Variants in ZNF600 observed in about 807,000 individuals in gnomAD.
ZNF600 encodes zinc finger protein 600, also known as zinc finger protein KR-ZNF1.
In ZNF600, 4 loss-of-function variants were observed where a neutral mutation model predicts 7.3. The ratio of observed to expected loss-of-function variants is 0.55; its 90% CI spans 0.27 to 1.25. ZNF600 has a LOEUF of 1.25. ZNF600 is among the 50% of genes most tolerant of loss of function. ZNF600 has a pLI of 0.12. For synonymous variants in ZNF600, 290 were observed against 308.9 expected (o/e 0.94, Z 0.64); for missense variants, 911 against 922.1 (o/e 0.99, Z 0.16).
chr19:52,818,256 C>A, the ZNF600 span, among the ~76,000 whole-genome samples: 2 of 152,146 alleles, frequency 1.3e-5, no homozygotes, highest in African/African-American at 4.8e-5. Context: ...AGCTCCCCTT[C>A]AGGAAATCTC....
chr19:52,818,672 A>G, the ZNF600 span, among the ~76,000 whole-genome samples: 3 of 151,766 alleles, frequency 2.0e-5, no homozygotes, highest in African/African-American at 7.3e-5. Context: ...GCGCCACTCC[A>G]CTCCTGCCTG....
intron 3 of ZNF600, among the ~76,000 whole-genome samples, chr19:52,769,580 A>G (rs1304968059): frequency 1.3e-5 from 2 of 152,116 alleles, no homozygotes; most frequent in African/African-American, 4.8e-5. Flanking sequence ...GCAGCCTGGC[A>G]TTCAGGGCCA....
chr19:52,776,321 G>T (rs1482704144), intron 2 of ZNF600, among the ~76,000 whole-genome samples: 3 of 152,030 alleles, frequency 2.0e-5, no homozygotes, highest in African/African-American at 7.2e-5. Context: ...TGGAGAGAAT[G>T]TGACAAAGGT....
intron 1 of ZNF600, among the ~76,000 whole-genome samples, chr19:52,785,165 T>C (rs2062753628): frequency 6.6e-6 from 1 of 151,908 alleles, no homozygotes; most frequent in Non-Finnish European, 1.5e-5. Context: ...ACCCCTCTCC[T>C]CTCCTGCTGT....
chr19:52,810,769 A>AAAAAC, the ZNF600 span: 1 of 516,388 alleles, frequency 1.9e-6, no homozygotes. Context: ...AAAAAAGAAT[A>AAAAAC]AAAAAAAACC....
the ZNF600 span, chr19:52,810,336 G>A: frequency 1.9e-5 from 31 of 1,601,610 alleles, no homozygotes; most frequent in Middle Eastern, 2.1e-4. Context: ...TGTGGACTGC[G>A]GTGCAACAGC....
intron 3 of ZNF600, among the ~76,000 whole-genome samples, chr19:52,772,108 T>G (rs1464312941): frequency 6.6e-6 from 1 of 152,148 alleles, no homozygotes; most frequent in Non-Finnish European, 1.5e-5. Flanking sequence ...AGGTTGGGAG[T>G]TTGAGACCAG....
At chr19:52,792,172 C>G in the ZNF600 span, among the ~76,000 whole-genome samples, 10 of 152,194 alleles carry the variant, frequency 6.6e-5, no homozygotes, top group Non-Finnish European at 8.8e-5. Flanking sequence ...TTGGGGCCTT[C>G]TTCTCACCAG....
chr19:52,830,303 A>G, the ZNF600 span, among the ~76,000 whole-genome samples: 1 of 152,116 alleles, frequency 6.6e-6, no homozygotes, highest in Non-Finnish European at 1.5e-5. Flanking sequence ...ATCTGGAGAA[A>G]AATTAACATT....
intron 1 of ZNF600, among the ~76,000 whole-genome samples, chr19:52,786,205 C>T (rs555331079): frequency 1.4e-5 from 1 of 70,944 alleles, no homozygotes; most frequent in Non-Finnish European, 3.7e-5. Context: ...CCCCTGCGAC[C>T]CACCCCAACC....
the ZNF600 span, chr19:52,800,433 T>C: frequency 2.3e-5 from 37 of 1,613,426 alleles, no homozygotes; most frequent in Non-Finnish European, 3.1e-5. Flanking sequence ...TTTGTCACAT[T>C]CTTCACATTT....
the ZNF600 span, among the ~76,000 whole-genome samples, chr19:52,832,474 A>G: frequency 1.3e-5 from 2 of 151,946 alleles, no homozygotes; most frequent in Non-Finnish European, 2.9e-5. Flanking sequence ...ACATGCCTGT[A>G]ATCCCAGCCA....
At chr19:52,832,985 T>C in the ZNF600 span, among the ~76,000 whole-genome samples, 2 of 152,082 alleles carry the variant, frequency 1.3e-5, no homozygotes, top group South Asian at 4.1e-4. Flanking sequence ...TGGGCCAGGC[T>C]GGTCTCAAAC....
At chr19:52,820,526 T>C in the ZNF600 span, among the ~76,000 whole-genome samples, 1 of 152,166 alleles carries the variant, frequency 6.6e-6, no homozygotes, top group African/African-American at 2.4e-5. Flanking sequence ...TTCTCTCTTC[T>C]CTGTTATAAC....
the ZNF600 span, among the ~76,000 whole-genome samples, chr19:52,793,881 T>G: frequency 6.6e-6 from 1 of 152,044 alleles, no homozygotes; most frequent in African/African-American, 2.4e-5. Flanking sequence ...TATTATAAAT[T>G]ACAACATTTA....
At chr19:52,803,763 C>A in the ZNF600 span, among the ~76,000 whole-genome samples, 1 of 151,986 alleles carries the variant, frequency 6.6e-6, no homozygotes, top group African/African-American at 2.4e-5. Flanking sequence ...TCGAGACCAG[C>A]CTGGGCAACA....
chr19:52,804,443 G>A, the ZNF600 span, among the ~76,000 whole-genome samples: 12 of 151,912 alleles, frequency 7.9e-5, no homozygotes, highest in African/African-American at 1.9e-4. Flanking sequence ...TGATCTTGGC[G>A]CACTGCAACC....
At chr19:52,811,794 C>G in the ZNF600 span, among the ~76,000 whole-genome samples, 4 of 149,426 alleles carry the variant, frequency 2.7e-5, no homozygotes, top group Non-Finnish European at 4.5e-5. Context: ...GCCAGCCGCC[C>G]CGTCCGGGAG....
chr19:52,801,125 C>T, the ZNF600 span: 1 of 1,614,030 alleles, frequency 6.2e-7, no homozygotes, highest in Non-Finnish European at 8.5e-7. Context: ...TACATTGTTT[C>T]TCTTCTAAGT....
Sources: allele counts gnomAD v4.1 joint callset (sites outside exome capture counted in the v4.1 genomes callset), GRCh38; gene constraint gnomAD v4.1.1; transcripts MANE v1.5; gene names NCBI Gene and HGNC (gene_info 2026-07-23, HGNC 2026-07-21).